Variants in TYW1B observed in about 807,000 individuals in gnomAD.
The protein encoded by TYW1B is S-adenosyl-L-methionine-dependent tRNA 4-demethylwyosine synthase TYW1B.
In TYW1B, 73 loss-of-function variants were observed where a neutral mutation model predicts 86.9. The observed-to-expected ratio is 0.84, with a 90% CI of 0.70 to 1.02. The LOEUF is 1.02. TYW1B is among the 50% of genes least tolerant of loss of function. The probability of loss-of-function intolerance (pLI) is 0.00; values close to 1 mark genes in which losing one functional copy is unlikely to be tolerated. For missense variants in TYW1B, 637 were observed against 827.4 expected (o/e 0.77, Z 2.82); for synonymous variants, 248 against 292.8 (o/e 0.85, Z 1.56).
chr7:72,746,170 C>T lies in TYW1B; in HGVS notation c.965-1569G>A, dbSNP rs181907161. ...GCCTATCCACAGTGAAAGAACATTA[C>T]ATAAAAGTCTACTAGCTTATTTACT... On this transcript the variant is annotated intron_variant, in intron 7 of 13. Coordinates refer to ENST00000620995, the MANE Select transcript of TYW1B (RefSeq NM_001145440.3). Among the ~76,000 whole-genome samples the T allele has an allele frequency of 2.0e-3, 307 of 152,086 alleles. 1 individual carries two copies. The highest frequency in any genetic ancestry group is 3.3e-3 in the Non-Finnish European group (222 of 68,016).
intron 11 of TYW1B, among the ~76,000 whole-genome samples, chr7:72,660,489 A>G (rs1462928669): frequency 1.3e-5 from 2 of 152,196 alleles, no homozygotes; most frequent in East Asian, 1.9e-4. Flanking sequence ...GCAGTTTCCC[A>G]ACCCCTCACA....
chr7:72,817,985 A>G (rs1302630182), intron 2 of TYW1B, among the ~76,000 whole-genome samples: 2 of 151,336 alleles, frequency 1.3e-5, no homozygotes, highest in Non-Finnish European at 2.9e-5. Flanking sequence ...GGTTGGCCTT[A>G]GGCTCTGTCT....
chr7:72,814,445 G>A (rs1163580576), intron 3 of TYW1B, among the ~76,000 whole-genome samples: 7 of 152,048 alleles, frequency 4.6e-5, no homozygotes, highest in Non-Finnish European at 7.4e-5. Context: ...TTAGCCGGGC[G>A]TGGTGGCGTG....
At chr7:72,716,317 G>C (rs1554455991) in intron 9 of TYW1B, among the ~76,000 whole-genome samples, 1 of 152,220 alleles carries the variant, frequency 6.6e-6, no homozygotes, top group African/African-American at 2.4e-5. Context: ...GATTAAATGA[G>C]ATAATGCATG....
At chr7:72,653,089 T>C (rs1813103218) in intron 11 of TYW1B, among the ~76,000 whole-genome samples, 1 of 152,156 alleles carries the variant, frequency 6.6e-6, no homozygotes, top group African/African-American at 2.4e-5. Context: ...AATCGAATCC[T>C]TCATTTTAGG....
intron 6 of TYW1B, among the ~76,000 whole-genome samples, chr7:72,799,891 A>T (rs1788375712): frequency 6.6e-6 from 1 of 152,172 alleles, no homozygotes; most frequent in South Asian, 2.1e-4. Flanking sequence ...AAAACACTTT[A>T]AAGTCATTCA....
chr7:72,759,121 A>G (rs1303933304), intron 7 of TYW1B, among the ~76,000 whole-genome samples: 1 of 152,178 alleles, frequency 6.6e-6, no homozygotes, highest in Non-Finnish European at 1.5e-5. Flanking sequence ...ACTTGAGCTC[A>G]GGAGTTCGAG....
At chr7:72,580,978 C>T (rs1266563959) in intron 13 of TYW1B, among the ~76,000 whole-genome samples, 12 of 114,086 alleles carry the variant, frequency 1.1e-4, no homozygotes, top group African/African-American at 4.1e-4. Flanking sequence ...TTTAGAATTC[C>T]TCAAAGGCTC....
intron 11 of TYW1B, among the ~76,000 whole-genome samples, chr7:72,643,463 T>C (rs1554441707): frequency 6.6e-6 from 1 of 152,044 alleles, no homozygotes; most frequent in Non-Finnish European, 1.5e-5. Flanking sequence ...GTTGCATGCC[T>C]GTAGTCCCAG....
intron 13 of TYW1B, among the ~76,000 whole-genome samples, chr7:72,589,155 T>C (rs1394069574): frequency 2.0e-5 from 3 of 152,182 alleles, no homozygotes; most frequent in African/African-American, 7.2e-5. Flanking sequence ...CTTTGGAATA[T>C]GAGAAAAAAT....
Position 72,807,188 on chromosome 7 carries a change from C to A in TYW1B, c.601G>T (p.Glu201Ter). ...ISQLQALQKG[E>*]RKKSCGGHCK... ...TGGCCGCCACAGGACTTCTTTCTCT[C>A]CCCTTTCTGAAGTGCCTGCAGCTGG... The change falls in exon 5 of 14, where the codon GAG becomes TAG. Residue 201 changes from glutamate (E) to a stop codon, truncating the protein, a stop_gained. Transcript: ENST00000620995. LOFTEE classifies it high-confidence loss of function. 6.2e-7 allele frequency: 1 copy of A among 1,613,976 alleles called. No homozygotes were observed. Among genetic ancestry groups the A allele is most frequent in the African/African-American group, 1.3e-5 (1 of 75,058 alleles).
At chr7:72,605,536 T>G (rs1355400673) in intron 13 of TYW1B, among the ~76,000 whole-genome samples, 2 of 152,098 alleles carry the variant, frequency 1.3e-5, no homozygotes, top group African/African-American at 4.8e-5. Flanking sequence ...GTATTTATAG[T>G]AGAGATGGGG....
chr7:72,777,605 C>A, intron 6 of TYW1B, 72 bp from the exon 7 acceptor site: 1 of 1,559,838 alleles, frequency 6.4e-7, no homozygotes. Context: ...ATCATGAACA[C>A]CTAGCATCAA....
intron 7 of TYW1B, among the ~76,000 whole-genome samples, chr7:72,768,116 A>G (rs1554468881): frequency 6.6e-6 from 1 of 152,000 alleles, no homozygotes; most frequent in Non-Finnish European, 1.5e-5. Flanking sequence ...TTTGCCAGGC[A>G]TGGTGGCACA....
chr7:72,792,275 C>T (rs1290352606), intron 6 of TYW1B, among the ~76,000 whole-genome samples: 6 of 150,128 alleles, frequency 4.0e-5, no homozygotes, highest in South Asian at 2.1e-4. Flanking sequence ...TGCAGTGGGC[C>T]GAGATCACAC....
At chr7:72,611,933 T>C (rs1372625241) in intron 13 of TYW1B, among the ~76,000 whole-genome samples, 2 of 152,172 alleles carry the variant, frequency 1.3e-5, no homozygotes, top group African/African-American at 4.8e-5. Context: ...CAGTAACAAC[T>C]ATTTATTAAC....
chr7:72,826,128 T>C (rs1262630559), intron 2 of TYW1B, among the ~76,000 whole-genome samples: 3 of 152,162 alleles, frequency 2.0e-5, no homozygotes, highest in African/African-American at 7.2e-5. Context: ...CCATAAAAAA[T>C]CTTCACTCCA....
At chr7:72,666,901 A>G (rs1455300287) in intron 11 of TYW1B, among the ~76,000 whole-genome samples, 1 of 151,598 alleles carries the variant, frequency 6.6e-6, no homozygotes, top group Non-Finnish European at 1.5e-5. Flanking sequence ...GCGTGGTGGC[A>G]GGCGCCTGTA....
chr7:72,604,753 G>C (rs530078624), intron 13 of TYW1B, among the ~76,000 whole-genome samples: 1 of 152,274 alleles, frequency 6.6e-6, no homozygotes, highest in African/African-American at 2.4e-5. Flanking sequence ...CCTTGTGCCA[G>C]CCACCCCCTC....
Sources: allele counts gnomAD v4.1 joint callset (sites outside exome capture counted in the v4.1 genomes callset), GRCh38; gene constraint gnomAD v4.1.1; transcripts MANE v1.5; gene names NCBI Gene and HGNC (gene_info 2026-07-23, HGNC 2026-07-21).